The following ADK variants were observed in gnomAD, a reference collection of about 807,000 sequenced individuals.
ADK encodes the protein N6,N6-dimethyladenosine kinase.
In ADK, 24 loss-of-function variants were observed where a neutral mutation model predicts 44.7. The observed-to-expected ratio is 0.54, with a 90% confidence interval of 0.39 to 0.76. The LOEUF (loss-of-function observed/expected upper bound fraction) is 0.76, where lower values mean the gene tolerates loss of function less well. ADK is among the 30% of genes least tolerant of loss of function. ADK has a pLI of 0.00. For missense variants in ADK, 321 were observed against 425.1 expected (o/e 0.76, Z 2.15); for synonymous variants, 128 against 142.6 (o/e 0.90, Z 0.73).
At chr10:74,623,068 T>C (rs570576826) in intron 9 of ADK, among the ~76,000 whole-genome samples, 1 of 152,260 alleles carries the variant, frequency 6.6e-6, no homozygotes, top group East Asian at 1.9e-4. Context: ...ACTAGTCCAA[T>C]CTGTTCCATA....
intron 1 of ADK, among the ~76,000 whole-genome samples, chr10:74,165,194 G>A (rs1842005077): frequency 6.6e-6 from 1 of 152,134 alleles, no homozygotes; most frequent in South Asian, 2.1e-4. Flanking sequence ...CTTTGAAATG[G>A]TGGTTCACAG....
At chr10:74,153,336 G>T (rs1034041285) in intron 1 of ADK, among the ~76,000 whole-genome samples, 1 of 152,138 alleles carries the variant, frequency 6.6e-6, no homozygotes, top group Non-Finnish European at 1.5e-5. Flanking sequence ...GGAATTCAGG[G>T]GTGCTGCTAA....
At chr10:74,505,507 C>T (rs1230784024) in intron 6 of ADK, among the ~76,000 whole-genome samples, 2 of 148,808 alleles carry the variant, frequency 1.3e-5, no homozygotes, top group Non-Finnish European at 3.0e-5. Context: ...AACTCTTCAA[C>T]TTCCCCCCAC....
chr10:74,494,293 T>C (rs896201785), intron 6 of ADK, among the ~76,000 whole-genome samples: 7 of 152,188 alleles, frequency 4.6e-5, no homozygotes, highest in African/African-American at 1.7e-4. Flanking sequence ...CTTCCTACTA[T>C]GATAAGATAA....
At chr10:74,554,522 A>T (rs1030608371) in intron 7 of ADK, among the ~76,000 whole-genome samples, 9 of 152,230 alleles carry the variant, frequency 5.9e-5, no homozygotes, top group African/African-American at 1.2e-4. Context: ...TTACAATTTT[A>T]AAAAATGTGC....
chr10:74,210,120 A>G (rs187082323), intron 2 of ADK, among the ~76,000 whole-genome samples: 1 of 152,282 alleles, frequency 6.6e-6, no homozygotes, highest in Non-Finnish European at 1.5e-5. Flanking sequence ...ACCTGAGGTC[A>G]GGAGTTAGAG....
At chr10:74,655,604 G>C in intron 9 of ADK, 1 of 452,032 alleles carries the variant, frequency 2.2e-6, no homozygotes, top group South Asian at 1.8e-5. Context: ...ACTGAAAGAG[G>C]AGCTACAAGA....
At chr10:74,483,425 G>A (rs148190415) in intron 6 of ADK, among the ~76,000 whole-genome samples, 33 of 152,304 alleles carry the variant, frequency 2.2e-4, no homozygotes, top group Admixed American at 2.0e-3. Flanking sequence ...TGCTGCAAAT[G>A]TCTCTGAAAT....
chr10:74,227,215 A>G (rs1452980371), intron 3 of ADK, among the ~76,000 whole-genome samples: 1 of 152,200 alleles, frequency 6.6e-6, no homozygotes, highest in African/African-American at 2.4e-5. Context: ...ACAAAATTTT[A>G]TCTAATCAGT....
chr10:74,403,332 G>T (rs1430542706), intron 6 of ADK, among the ~76,000 whole-genome samples: 3 of 152,128 alleles, frequency 2.0e-5, no homozygotes, highest in South Asian at 2.1e-4. Context: ...GCTATGCCCT[G>T]CCCCCAGAGA....
intron 3 of ADK, among the ~76,000 whole-genome samples, chr10:74,231,961 GTCT>G (rs1564608300): frequency 1.4e-5 from 2 of 146,504 alleles, no homozygotes; most frequent in Admixed American, 1.4e-4. Flanking sequence ...TTTTTTGTTT[GTCT>G]TTTTTTTTTT....
At chr10:74,680,245 G>A (rs1855554920) in intron 10 of ADK, among the ~76,000 whole-genome samples, 1 of 151,200 alleles carries the variant, frequency 6.6e-6, no homozygotes, top group African/African-American at 2.4e-5. Flanking sequence ...AACCTGGGAG[G>A]CAGAGCTTGC....
At chr10:74,434,775 G>T (rs1845124826) in intron 6 of ADK, among the ~76,000 whole-genome samples, 1 of 152,058 alleles carries the variant, frequency 6.6e-6, no homozygotes. Context: ...CTCCATTTTG[G>T]TTTGGTCTGG....
intron 2 of ADK, among the ~76,000 whole-genome samples, chr10:74,219,576 GCAC>G (rs1222011053): frequency 6.6e-6 from 1 of 152,000 alleles, no homozygotes; most frequent in Non-Finnish European, 1.5e-5. Flanking sequence ...ATTTTTTTCA[GCAC>G]CACACCACAC....
chr10:74,438,846 C>G (rs1037279300), intron 6 of ADK, among the ~76,000 whole-genome samples: 1 of 152,078 alleles, frequency 6.6e-6, no homozygotes, highest in Admixed American at 6.5e-5. Flanking sequence ...TCCTAATTAT[C>G]TATTATATAT....
At chr10:74,476,054 C>G (rs1846825030) in intron 6 of ADK, among the ~76,000 whole-genome samples, 1 of 152,162 alleles carries the variant, frequency 6.6e-6, no homozygotes, top group South Asian at 2.1e-4. Flanking sequence ...AATGGTATCT[C>G]TTACTCTAAT....
At chr10:74,574,410 C>A (rs572854664) in intron 7 of ADK, among the ~76,000 whole-genome samples, 1 of 152,036 alleles carries the variant, frequency 6.6e-6, no homozygotes, top group Non-Finnish European at 1.5e-5. Context: ...ACCTCGTGAT[C>A]TGCCTGCCTC....
At chr10:74,453,513 G>T (rs1845845607) in intron 6 of ADK, among the ~76,000 whole-genome samples, 1 of 151,948 alleles carries the variant, frequency 6.6e-6, no homozygotes, top group African/African-American at 2.4e-5. Context: ...TTGATCTCCT[G>T]GGTAGGTTTT....
chr10:74,308,901 A>G (rs1291280256), intron 3 of ADK, among the ~76,000 whole-genome samples: 1 of 152,078 alleles, frequency 6.6e-6, no homozygotes, highest in African/African-American at 2.4e-5. Flanking sequence ...TGAGTTTGAA[A>G]TAAGTTAGTG....
Sources: allele counts gnomAD v4.1 joint callset (sites outside exome capture counted in the v4.1 genomes callset), GRCh38; gene constraint gnomAD v4.1.1; transcripts MANE v1.5; gene names NCBI Gene and HGNC (gene_info 2026-07-23, HGNC 2026-07-21).